Variants in SCFD2 observed in about 807,000 individuals in gnomAD.
The protein encoded by SCFD2 is sec1 family domain containing 2.
Under a neutral mutation model 58.9 loss-of-function variants are expected in SCFD2, and 54 were observed. The observed-to-expected ratio is 0.92, with a 90% CI of 0.74 to 1.15. The LOEUF is 1.15. Among genes scored for constraint, SCFD2 ranks in the 50% most tolerant of loss-of-function variants. SCFD2 has a pLI of 0.00. For synonymous variants in SCFD2, 321 were observed against 335.9 expected (o/e 0.96, Z 0.49); for missense variants, 805 against 836.6 (o/e 0.96, Z 0.47).
At chr4:53,007,960 T>G (rs74665730) in intron 5 of SCFD2, among the ~76,000 whole-genome samples, 3 of 152,166 alleles carry the variant, frequency 2.0e-5, no homozygotes, top group Admixed American at 2.0e-4. Context: ...TGGGCTCTAA[T>G]GAATGATGTT....
chr4:53,008,827 A>G (rs1391595296), intron 5 of SCFD2, among the ~76,000 whole-genome samples: 2 of 152,240 alleles, frequency 1.3e-5, no homozygotes, highest in East Asian at 3.9e-4. Context: ...TCAAAGTTCA[A>G]TAGAAGTACT....
chr4:52,966,888 C>G lies in SCFD2; in HGVS notation c.1562-46018G>C, dbSNP rs559926090. Among the ~76,000 whole-genome samples the G allele has an allele frequency of 2.8e-4, 43 of 152,254 alleles. No individual in the cohort carries two copies. In the South Asian group the frequency reaches 8.7e-3, roughly 31 times the overall value. On this transcript the variant is annotated intron_variant, in intron 5 of 8. Transcript: ENST00000401642. ...TACCATTGTAGCCATTTTAAGTGTA[C>G]AGTTCAGTGGCATTAACAACATTCA...
intron 4 of SCFD2, among the ~76,000 whole-genome samples, chr4:53,183,615 C>G (rs1727651171): frequency 6.6e-6 from 1 of 151,562 alleles, no homozygotes; most frequent in African/African-American, 2.4e-5. Flanking sequence ...AACAGACCTG[C>G]ACGTTGTGCA....
chr4:53,095,947 C>A (rs1283152934), intron 5 of SCFD2, among the ~76,000 whole-genome samples: 1 of 152,006 alleles, frequency 6.6e-6, no homozygotes, highest in Non-Finnish European at 1.5e-5. Context: ...TCAATTCCCA[C>A]CTATTAGTGA....
At position 53,106,807 on chromosome 4, in the gene SCFD2, A is replaced by G. The variant is rs184954948; in HGVS notation, c.1561+38526T>C. 9.6e-4 allele frequency among the ~76,000 whole-genome samples: 147 copies of G among 152,342 alleles called. 2 individuals carry two copies. The East Asian group carries it at 0.026, about 27-fold the overall frequency. ...ACCAAGTTGGAAAACACTGTTCAGG[A>G]TATTATCCAGGAGAACTTCCCCAAC... On this transcript the variant is annotated intron_variant, in intron 5 of 8. Coordinates refer to ENST00000401642, the MANE Select transcript of SCFD2 (RefSeq NM_152540.4).
intron 6 of SCFD2, among the ~76,000 whole-genome samples, chr4:52,909,717 T>A (rs1719439413): frequency 6.6e-6 from 1 of 152,160 alleles, no homozygotes; most frequent in African/African-American, 2.4e-5. Flanking sequence ...AAAAAGAGAT[T>A]GGGGTAAAGC....
intron 5 of SCFD2, among the ~76,000 whole-genome samples, chr4:52,975,780 C>G (rs1251808819): frequency 1.3e-5 from 2 of 152,100 alleles, no homozygotes; most frequent in African/African-American, 4.8e-5. Context: ...ACTCAAATGT[C>G]CAACAATGAT....
intron 4 of SCFD2, among the ~76,000 whole-genome samples, chr4:53,251,224 A>C (rs1730363461): frequency 6.6e-6 from 1 of 152,214 alleles, no homozygotes; most frequent in African/African-American, 2.4e-5. Context: ...CAGGATCTGA[A>C]ATTGTGGCAA....
chr4:53,116,875 C>T (rs1277963140), intron 5 of SCFD2, among the ~76,000 whole-genome samples: 1 of 152,146 alleles, frequency 6.6e-6, no homozygotes, highest in Non-Finnish European at 1.5e-5. Context: ...TGGATGCCAA[C>T]AGGTCTTAAA....
intron 5 of SCFD2, among the ~76,000 whole-genome samples, chr4:53,032,630 A>AAAAC (rs202071441): frequency 0.025 from 3,817 of 152,188 alleles, 74 homozygotes; most frequent in African/African-American, 0.05. Context: ...AACAAAAACA[A>AAAAC]AAACAAACAA....
chr4:53,093,056 G>A (rs931791480), intron 5 of SCFD2, among the ~76,000 whole-genome samples: 2 of 152,120 alleles, frequency 1.3e-5, no homozygotes, highest in African/African-American at 4.8e-5. Context: ...GCTCAGTGTG[G>A]TTGAATGAGG....
intron 2 of SCFD2, among the ~76,000 whole-genome samples, chr4:53,341,808 T>G (rs1195080261): frequency 6.6e-6 from 1 of 152,226 alleles, no homozygotes; most frequent in African/African-American, 2.4e-5. Context: ...ATATTCAACA[T>G]GCTTAAAGAA....
intron 4 of SCFD2, among the ~76,000 whole-genome samples, chr4:53,253,725 G>T (rs1730488117): frequency 8.1e-6 from 1 of 123,778 alleles, no homozygotes; most frequent in African/African-American, 3.1e-5. Context: ...AACATCACAT[G>T]CTGGGGACTG....
intron 5 of SCFD2, among the ~76,000 whole-genome samples, chr4:52,952,756 GA>G (rs1720629671): frequency 6.6e-6 from 1 of 152,098 alleles, no homozygotes; most frequent in Admixed American, 6.5e-5. Context: ...GAGATAAGGG[GA>G]CACATGTTGG....
chr4:53,310,604 G>C (rs1219682793), intron 3 of SCFD2, among the ~76,000 whole-genome samples: 1 of 152,184 alleles, frequency 6.6e-6, no homozygotes, highest in Non-Finnish European at 1.5e-5. Context: ...TGTTTTCAAA[G>C]TCACTTTTCT....
At chr4:52,995,431 C>T (rs538584143) in intron 5 of SCFD2, among the ~76,000 whole-genome samples, 3 of 152,316 alleles carry the variant, frequency 2.0e-5, no homozygotes, top group East Asian at 1.9e-4. Context: ...AGTGTCAGTC[C>T]GTGGCCCAGG....
chr4:53,066,941 A>G (rs1015038260), intron 5 of SCFD2, among the ~76,000 whole-genome samples: 4 of 152,074 alleles, frequency 2.6e-5, no homozygotes, highest in Non-Finnish European at 5.9e-5. Context: ...AAAGGGGCTG[A>G]TGATGCTCAT....
intron 3 of SCFD2, among the ~76,000 whole-genome samples, chr4:53,301,327 T>C (rs1386633520): frequency 2.0e-5 from 3 of 151,592 alleles, no homozygotes; most frequent in African/African-American, 4.9e-5. Context: ...AACACCTCTA[T>C]GCAAATAAAC....
intron 5 of SCFD2, among the ~76,000 whole-genome samples, chr4:53,060,901 T>G (rs971541245): frequency 1.3e-4 from 20 of 152,180 alleles, no homozygotes; most frequent in African/African-American, 3.9e-4. Context: ...TAGATGATCA[T>G]AAAGTCTAGG....
Sources: allele counts gnomAD v4.1 joint callset (sites outside exome capture counted in the v4.1 genomes callset), GRCh38; gene constraint gnomAD v4.1.1; transcripts MANE v1.5; gene names NCBI Gene and HGNC (gene_info 2026-07-23, HGNC 2026-07-21).